HEATR1: variants seen among roughly 807,000 people sequenced by gnomAD.
The protein encoded by HEATR1 is HEAT repeat-containing protein 1.
HEATR1 carries 77 observed loss-of-function variants against 248.2 expected under a neutral mutation model. The ratio of observed to expected loss-of-function variants is 0.31; its 90% CI spans 0.26 to 0.37. The LOEUF (loss-of-function observed/expected upper bound fraction) is 0.37, where lower values mean the gene tolerates loss of function less well. Among genes scored for constraint, HEATR1 ranks in the 10% least tolerant of loss-of-function variants. The probability of loss-of-function intolerance (pLI) is 1.00; values close to 1 mark genes in which losing one functional copy is unlikely to be tolerated. For missense variants in HEATR1, 2,420 were observed against 2,504.9 expected (o/e 0.97, Z 0.72); for synonymous variants, 897 against 923.1 (o/e 0.97, Z 0.51).
intron 31 of HEATR1, among the ~76,000 whole-genome samples, chr1:236,565,331 GT>G (rs1389315854): frequency 6.6e-6 from 1 of 152,024 alleles, no homozygotes; most frequent in Non-Finnish European, 1.5e-5. Context: ...ATGAAAAAAA[GT>G]TTTTTTTAGA....
At chr1:236,596,144 C>G (rs984935616) in intron 6 of HEATR1, 100 bp from the exon 7 acceptor site, 28 of 820,330 alleles carry the variant, frequency 3.4e-5, no homozygotes, top group Non-Finnish European at 4.8e-5. Context: ...GAGATTAATA[C>G]AACCTAATGC....
chr1:236,602,978 T>C, intron 3 of HEATR1, 182 bp downstream of exon 3: 1 of 588,744 alleles, frequency 1.7e-6, no homozygotes, highest in Non-Finnish European at 3.0e-6. Context: ...AGTTCTACTT[T>C]TCACTATCAA....
chr1:236,594,029 T>C lies in HEATR1; in HGVS notation c.1176A>G (p.Leu392=), dbSNP rs375581522. The change falls in exon 9 of 45, where the codon TTA becomes TTG. Residue 392 remains leucine, a synonymous_variant. Transcript: ENST00000366582. ...TAGCTTACCTAGCCAACAAATGGTC[T>C]AAGTTGTTCTTCAGTGATATTTTTG... The part of the protein sequence containing the change: ...ILTKISLKNN[L]DHLLASLLFE... The C allele has an allele frequency of 9.4e-6, 15 of 1,593,576 alleles. No individual in the cohort carries two copies. In the African/African-American group the frequency reaches 2.0e-4, roughly 22 times the overall value.
chr1:236,598,704 C>T (rs1001826041), intron 4 of HEATR1, among the ~76,000 whole-genome samples: 5 of 152,190 alleles, frequency 3.3e-5, no homozygotes, highest in Non-Finnish European at 4.4e-5. Context: ...TCCTATCTTA[C>T]TAATTCTGAA....
chr1:236,561,693 G>A (rs1039373035), intron 32 of HEATR1, among the ~76,000 whole-genome samples: 1 of 152,072 alleles, frequency 6.6e-6, no homozygotes, highest in African/African-American at 2.4e-5. Context: ...TCCCAAATCT[G>A]CTTCCAAATG....
intron 22 of HEATR1, 22 bp downstream of exon 22, chr1:236,576,197 A>G (rs1306671891): frequency 6.4e-7 from 1 of 1,559,670 alleles, no homozygotes; most frequent in South Asian, 1.2e-5. Context: ...AGGAATGTAC[A>G]ATCCACTTAA....
At chr1:236,561,486 A>AT (rs1663132810) in intron 32 of HEATR1, among the ~76,000 whole-genome samples, 1 of 152,220 alleles carries the variant, frequency 6.6e-6, no homozygotes, top group Non-Finnish European at 1.5e-5. Context: ...GTAGTATCTA[A>AT]AAAGTACTAC....
rs551278730 is a variant in HEATR1 at position 236,576,546 on chromosome 1, T to C, written c.2926-169A>G. ...TATTAAAAACACACAGCTGGCTTAC[T>C]ATGAAAAGCTACACACTAAACCTTT... On this transcript the variant is annotated intron_variant, in intron 21 of 44. Coordinates refer to ENST00000366582, the MANE Select transcript of HEATR1 (RefSeq NM_018072.6). 9.2e-5 allele frequency among the ~76,000 whole-genome samples: 14 copies of C among 152,354 alleles called. No individual in the cohort carries two copies. In the South Asian group the frequency reaches 2.1e-3, roughly 23 times the overall value.
chr1:236,560,868 G>A (rs1382249565), intron 33 of HEATR1, among the ~76,000 whole-genome samples: 1 of 152,238 alleles, frequency 6.6e-6, no homozygotes, highest in African/African-American at 2.4e-5. Context: ...GGATCATGAT[G>A]CAGAAACACA....
chr1:236,564,904 A>T (rs1663229740), intron 31 of HEATR1, among the ~76,000 whole-genome samples: 1 of 152,218 alleles, frequency 6.6e-6, no homozygotes, highest in Admixed American at 6.5e-5. Context: ...AAAACAGGGA[A>T]ACTGGACAAT....
At chr1:236,577,018 T>C (rs763042929) in intron 20 of HEATR1, 69 bp from the exon 21 acceptor site, 1 of 1,178,350 alleles carries the variant, frequency 8.5e-7, no homozygotes, top group Non-Finnish European at 1.2e-6. Flanking sequence ...ATTTACATAG[T>C]ACCAAAGGTA....
intron 44 of HEATR1, chr1:236,551,251 C>T (rs933234753): frequency 2.4e-5 from 11 of 451,058 alleles, no homozygotes; most frequent in Non-Finnish European, 3.5e-5. Context: ...GATGCCACCC[C>T]TTTAGTAGCT....
At chr1:236,600,197 G>A (rs1196983411) in intron 3 of HEATR1, among the ~76,000 whole-genome samples, 4 of 129,088 alleles carry the variant, frequency 3.1e-5, no homozygotes, top group Admixed American at 9.6e-5. Context: ...GCACAATCTC[G>A]GCTCACTGCA....
At chr1:236,578,780 T>C (rs1433682604) in intron 20 of HEATR1, among the ~76,000 whole-genome samples, 1 of 152,182 alleles carries the variant, frequency 6.6e-6, no homozygotes, top group Non-Finnish European at 1.5e-5. Context: ...ATGCCAGTTT[T>C]AAATAAAGAA....
chr1:236,569,616 C>T (rs1052640716), intron 28 of HEATR1, among the ~76,000 whole-genome samples: 2 of 151,982 alleles, frequency 1.3e-5, no homozygotes, highest in African/African-American at 2.4e-5. Flanking sequence ...ACTAGAATGG[C>T]GATAAAAAAG....
At chr1:236,599,180 A>G (rs771484762) in intron 4 of HEATR1, among the ~76,000 whole-genome samples, 6 of 152,340 alleles carry the variant, frequency 3.9e-5, no homozygotes, top group Middle Eastern at 3.4e-3. Context: ...TTTGGGTTCA[A>G]ATCTCAACTC....
intron 3 of HEATR1, among the ~76,000 whole-genome samples, chr1:236,601,651 GAAAAAC>G (rs1270178369): frequency 1.4e-5 from 2 of 143,002 alleles, no homozygotes; most frequent in East Asian, 2.1e-4. Flanking sequence ...ACAAAAAATG[GAAAAAC>G]AAAAACAAAA....
chr1:236,591,904 A>G, intron 11 of HEATR1, 89 bp downstream of exon 11: 1 of 729,790 alleles, frequency 1.4e-6, no homozygotes, highest in African/African-American at 1.8e-5. Context: ...CACACAAGGG[A>G]AAAAAGTGGC....
At position 236,574,769 on chromosome 1, in the gene HEATR1, G is replaced by C; in HGVS notation, c.3219C>G (p.Ser1073=). The C allele has an allele frequency of 6.2e-7, 1 of 1,613,856 alleles. No individual in the cohort carries two copies. The highest frequency in any genetic ancestry group is 8.5e-7 in the Non-Finnish European group (1 of 1,179,866). The change falls in exon 23 of 45, where the codon TCC becomes TCG. Residue 1073 remains serine, a synonymous_variant. Transcript: ENST00000366582. Reference sequence around the variant, plus strand: ...GACTCTTCGGATCCTCATTTAAAAGGGAAACTGAAAATTCATTATACTTTC... The same window carrying C: ...GACTCTTCGGATCCTCATTTAAAAGCGAAACTGAAAATTCATTATACTTTC... The part of the protein sequence containing the change: ...TLGKYNEFSV[S]LLNEDPKSLD...
Sources: allele counts gnomAD v4.1 joint callset (sites outside exome capture counted in the v4.1 genomes callset), GRCh38; gene constraint gnomAD v4.1.1; transcripts MANE v1.5; gene names NCBI Gene and HGNC (gene_info 2026-07-23, HGNC 2026-07-21).